Variants in LTBP1 observed in about 807,000 individuals in gnomAD.
LTBP1 encodes the protein latent transforming growth factor beta binding protein 1.
LTBP1 carries 129 observed loss-of-function variants against 207.6 expected under a neutral mutation model. That is an observed-to-expected ratio of 0.62 (90% CI 0.54 to 0.72). LTBP1 has a LOEUF of 0.72. Among genes scored for constraint, LTBP1 ranks in the 30% least tolerant of loss-of-function variants. The probability of loss-of-function intolerance (pLI) is 0.00; values close to 1 mark genes in which losing one functional copy is unlikely to be tolerated. For synonymous variants in LTBP1, 963 were observed against 833.7 expected (o/e 1.16, Z -2.67); for missense variants, 2,281 against 2,217.2 (o/e 1.03, Z -0.58).
intron 24 of LTBP1, among the ~76,000 whole-genome samples, chr2:33,318,098 T>C (rs1220581920): frequency 6.6e-6 from 1 of 152,134 alleles, no homozygotes; most frequent in Non-Finnish European, 1.5e-5. Flanking sequence ...TTAGGGATGC[T>C]CAACAGGTAA....
chr2:32,996,853 A>G (rs756611148), intron 2 of LTBP1, among the ~76,000 whole-genome samples: 6 of 152,054 alleles, frequency 3.9e-5, no homozygotes, highest in Non-Finnish European at 5.9e-5. Context: ...TGCCTCCCGC[A>G]CTGCCCAGGG....
chr2:33,324,276 A>G (rs1322982952), intron 24 of LTBP1, among the ~76,000 whole-genome samples: 2 of 126,734 alleles, frequency 1.6e-5, no homozygotes, highest in African/African-American at 6.6e-5. Context: ...AATTGTTATA[A>G]CAATTGTTAT....
At chr2:33,176,697 C>T (rs62146678) in intron 5 of LTBP1, among the ~76,000 whole-genome samples, 66,016 of 151,976 alleles carry the variant, frequency 0.43, 15,086 homozygotes, top group Non-Finnish European at 0.5. Flanking sequence ...TGACCAGCTT[C>T]CCAAGATGTG....
chr2:33,275,905 C>G lies in LTBP1; in HGVS notation c.2974C>G (p.Gln992Glu). Residue 992 changes from glutamine (Q) to glutamate (E), a missense_variant, in exon 18 of 34, where the codon CAG becomes GAG. Physicochemically the swap from Gln to Glu is conservative, Grantham distance 29 (BLOSUM62 2). Transcript: ENST00000404816. ...EYCDSGYRMT[Q>E]RGRCEDIDEC... ...CTGTGACAGCGGGTACCGCATGACT[C>G]AGAGAGGCCGTTGTGAGGGTGAGTC... The G allele has an allele frequency of 1.3e-6, 2 of 1,596,934 alleles. No individual in the cohort carries two copies. The highest frequency in any genetic ancestry group is 1.7e-6 in the Non-Finnish European group (2 of 1,171,512).
chr2:33,005,299 G>GA (rs1686671629), intron 2 of LTBP1, among the ~76,000 whole-genome samples: 1 of 152,174 alleles, frequency 6.6e-6, no homozygotes, highest in African/African-American at 2.4e-5. Flanking sequence ...GAGAGCAGAG[G>GA]ATTTACCTCC....
intron 8 of LTBP1, among the ~76,000 whole-genome samples, chr2:33,219,458 C>G (rs1266261372): frequency 6.6e-6 from 1 of 152,156 alleles, no homozygotes; most frequent in Non-Finnish European, 1.5e-5. Context: ...GAGTTCGACT[C>G]CCAGCTCTTT....
At chr2:33,327,175 G>A (rs1329558230) in intron 24 of LTBP1, among the ~76,000 whole-genome samples, 3 of 152,170 alleles carry the variant, frequency 2.0e-5, no homozygotes, top group Non-Finnish European at 2.9e-5. Context: ...GAGGACCCTG[G>A]AGACCTGGAC....
At position 33,398,451 on chromosome 2, in the gene LTBP1, T is replaced by C; in HGVS notation, c.5072T>C (p.Leu1691Ser). ...AACACCGATGGTTCCTACAAGTGTT[T>C]GTGTCTGCCAGGCTACGTGCCTTCT... ...CINTDGSYKCLCLPGYVPSDK... is the reference protein window; with the variant it reads ...CINTDGSYKCSCLPGYVPSDK... Residue 1691 changes from leucine (L) to serine (S), a missense_variant, in exon 34 of 34, where the codon TTG (leucine) becomes TCG (serine). By Grantham distance (145) the Leu-to-Ser change is moderately radical (BLOSUM62 -2). Coordinates refer to ENST00000404816, the MANE Select transcript of LTBP1 (RefSeq NM_206943.4). 6.2e-7 allele frequency: 1 copy of C among 1,614,216 alleles called. No individual in the cohort carries two copies. Among genetic ancestry groups the C allele is most frequent in the Non-Finnish European group, 8.5e-7 (1 of 1,180,020 alleles).
chr2:33,005,112 A>G (rs1028817477), intron 2 of LTBP1, among the ~76,000 whole-genome samples: 3 of 152,122 alleles, frequency 2.0e-5, no homozygotes, highest in African/African-American at 7.2e-5. Flanking sequence ...GAATTAGCAG[A>G]AGCCCTGGAA....
At chr2:33,025,077 T>C (rs1481320275) in intron 3 of LTBP1, among the ~76,000 whole-genome samples, 1 of 152,120 alleles carries the variant, frequency 6.6e-6, no homozygotes, top group East Asian at 1.9e-4. Flanking sequence ...AATGTGGCCA[T>C]AAGCTTCTCC....
At chr2:33,097,689 CTT>C (rs981615900) in intron 3 of LTBP1, among the ~76,000 whole-genome samples, 1 of 152,058 alleles carries the variant, frequency 6.6e-6, no homozygotes, top group African/African-American at 2.4e-5. Flanking sequence ...TTATCTTTAA[CTT>C]TTTTAGTGCT....
At position 33,273,722 on chromosome 2, in the gene LTBP1, G is replaced by T; in HGVS notation, c.2684G>T (p.Arg895Ile). 1 of 1,612,204 alleles carries T rather than the reference G, an allele frequency of 6.2e-7. No individual in the cohort carries two copies. Among genetic ancestry groups the T allele is most frequent in the Non-Finnish European group, 8.5e-7 (1 of 1,178,790 alleles). ...GAGHCINLPV[R>I]YTCICYEGYR... is the part of the protein sequence containing the mutation. The stretch of plus-strand genomic sequence containing the variant: ...GGACACTGCATTAACCTACCAGTGA[G>T]ATATACCTGTATATGCTACGAGGGC... The change falls in exon 16 of 34, where the codon AGA (arginine) becomes ATA (isoleucine). Residue 895 changes from arginine to isoleucine, a missense_variant. Arg to Ile is a moderately conservative substitution (Grantham distance 97, BLOSUM62 -3). Transcript: ENST00000404816.
chr2:33,395,196 T>C (rs1220708390), intron 32 of LTBP1, among the ~76,000 whole-genome samples: 1 of 152,200 alleles, frequency 6.6e-6, no homozygotes, highest in African/African-American at 2.4e-5. Flanking sequence ...CGTTTCTCTA[T>C]TTTTAAATGA....
chr2:32,961,289 C>G (rs560808426), intron 2 of LTBP1, among the ~76,000 whole-genome samples: 109 of 152,292 alleles, frequency 7.2e-4, no homozygotes, highest in African/African-American at 2.3e-3. Flanking sequence ...AGGCAAGACC[C>G]TCAGCAGGGA....
At position 33,025,552 on chromosome 2, in the gene LTBP1, A is replaced by G. The variant is rs148542456; in HGVS notation, c.863+4346A>G. Reference sequence around the variant, plus strand: ...TCTATCCTGTTTCAAACAAACTGCTAATAAAAGAAAAAGATAACAATGACG... The same window carrying G: ...TCTATCCTGTTTCAAACAAACTGCTGATAAAAGAAAAAGATAACAATGACG... On this transcript the variant is annotated intron_variant, in intron 3 of 33. Transcript: ENST00000404816. 3.7e-3 allele frequency among the ~76,000 whole-genome samples: 568 copies of G among 152,348 alleles called. 3 individuals carry two copies. The highest frequency in any genetic ancestry group is 0.013 in the African/African-American group (529 of 41,576).
chr2:33,303,635 C>T (rs2149047939), intron 22 of LTBP1, among the ~76,000 whole-genome samples: 1 of 152,286 alleles, frequency 6.6e-6, no homozygotes, highest in Admixed American at 6.5e-5. Context: ...CAGGCGTGAG[C>T]CACCGCACCT....
intron 7 of LTBP1, among the ~76,000 whole-genome samples, chr2:33,208,298 C>A (rs1411763469): frequency 6.6e-6 from 1 of 152,176 alleles, no homozygotes; most frequent in East Asian, 1.9e-4. Context: ...GCCCAGTACA[C>A]CCAAGATCTG....
chr2:33,037,403 C>G lies in LTBP1; in HGVS notation c.863+16197C>G, dbSNP rs968035962. Among the ~76,000 whole-genome samples the G allele has an allele frequency of 5.3e-5, 8 of 152,230 alleles. No homozygotes were observed. The South Asian group carries it at 1.7e-3, about 32-fold the overall frequency. ...TGATTTCTTCTAGTTTATTAATCTG[C>G]TATTCTGTTATACCCACTGTCATCT... On this transcript the variant is annotated intron_variant, in intron 3 of 33. Transcript: ENST00000404816.
intron 5 of LTBP1, among the ~76,000 whole-genome samples, chr2:33,176,147 A>G (rs997424516): frequency 6.6e-6 from 1 of 152,012 alleles, no homozygotes; most frequent in Non-Finnish European, 1.5e-5. Flanking sequence ...CTAAAGCTTA[A>G]AGTATAATAA....
Sources: gnomAD v4.1 joint callset for allele counts (sites outside exome capture counted in the v4.1 genomes callset) on GRCh38, gnomAD v4.1.1 for gene constraint, MANE v1.5 for transcripts, NCBI Gene and HGNC (gene_info 2026-07-23, HGNC 2026-07-21) for gene names.